Variants in PPP2R2B observed in about 807,000 individuals in gnomAD.
PPP2R2B encodes the protein serine/threonine-protein phosphatase 2A 55 kDa regulatory subunit B beta isoform.
In PPP2R2B, 5 loss-of-function variants were observed where a neutral mutation model predicts 46.0. The ratio of observed to expected loss-of-function variants is 0.11; its 90% CI spans 0.06 to 0.23. PPP2R2B has a LOEUF of 0.23. Ranked by LOEUF, PPP2R2B falls within the 10% of genes least tolerant of loss-of-function variation. PPP2R2B has a pLI of 1.00. For synonymous variants in PPP2R2B, 215 were observed against 206.7 expected, an observed-to-expected ratio of 1.04 and a Z score of -0.34; for missense variants, 367 against 575.0, an observed-to-expected ratio of 0.64 and a Z score of 3.70.
chr5:146,651,612 C>T (rs896756195), intron 5 of PPP2R2B, among the ~76,000 whole-genome samples: 1 of 152,084 alleles, frequency 6.6e-6, no homozygotes, highest in Non-Finnish European at 1.5e-5. Flanking sequence ...AACACTAATG[C>T]CTGAGAGGGA....
rs1443028400 is a variant in PPP2R2B, at chr5:146,832,377, A to ATAT, written c.70+45624_70+45625insATA. 4.1e-4 allele frequency among the ~76,000 whole-genome samples: 43 copies of ATAT among 104,330 alleles called. 1 individual carries two copies. The highest frequency in any genetic ancestry group is 5.0e-3 in the Middle Eastern group (1 of 202). 68.4% of individuals were successfully genotyped at this position (104,330 alleles called of 152,430 possible). On this transcript the variant is annotated intron_variant, in intron 2 of 9. Transcript: ENST00000394411. ...TACACAAGTAAGTGTGCCATTTTTA[A>ATAT]TCTTTTTTTTTTTTTTTTTTTTTTT...
intron 7 of PPP2R2B, among the ~76,000 whole-genome samples, chr5:146,617,777 C>T (rs1469610822): frequency 6.6e-6 from 1 of 151,874 alleles, no homozygotes; most frequent in Non-Finnish European, 1.5e-5. Context: ...TCACTGCAAC[C>T]TCTGCCTCCT....
chr5:146,989,096 A>G (rs965581296), intron 1 of PPP2R2B, among the ~76,000 whole-genome samples: 1 of 151,984 alleles, frequency 6.6e-6, no homozygotes, highest in Non-Finnish European at 1.5e-5. Context: ...GCAATGAGAT[A>G]GGCACAGTAA....
chr5:146,801,911 C>G (rs1374738146), intron 2 of PPP2R2B, among the ~76,000 whole-genome samples: 4 of 152,134 alleles, frequency 2.6e-5, no homozygotes, highest in Non-Finnish European at 5.9e-5. Context: ...TCCAAGTGGC[C>G]CCACTTAACC....
At chr5:146,822,842 C>T (rs943806248) in intron 2 of PPP2R2B, among the ~76,000 whole-genome samples, 1 of 152,094 alleles carries the variant, frequency 6.6e-6, no homozygotes, top group South Asian at 2.1e-4. Context: ...ACTAAAGCAC[C>T]AAGATAAGTC....
rs371419003 is a variant in PPP2R2B, at chr5:146,913,589, C to T, written c.79+142076G>A. Among the ~76,000 whole-genome samples, 49 of 151,498 alleles carry T rather than the reference C, an allele frequency of 3.2e-4. 1 individual carries two copies. In the South Asian group the frequency reaches 8.1e-3, roughly 25 times the overall value. On this transcript the variant is annotated intron_variant, in intron 1 of 8. Coordinates refer to the PPP2R2B transcript ENST00000336640. ...AAACATCACATTAAAACAGCTCACTCGGTCTCTTGATCTCCACTTTGCCTT... is the reference window on the plus strand; with the variant it reads ...AAACATCACATTAAAACAGCTCACTTGGTCTCTTGATCTCCACTTTGCCTT...
At chr5:146,914,313 C>G (rs1027935768) in intron 1 of PPP2R2B, 1 of 152,174 alleles carries the variant, frequency 6.6e-6, no homozygotes, top group South Asian at 2.1e-4. Flanking sequence ...TTCTGCTTGT[C>G]AAGCTTGTGT....
intron 7 of PPP2R2B, among the ~76,000 whole-genome samples, chr5:146,604,645 C>G (rs1772090321): frequency 6.6e-6 from 1 of 152,150 alleles, no homozygotes; most frequent in African/African-American, 2.4e-5. Context: ...CATTTGCTAC[C>G]ACTTCTTGGT....
intron 1 of PPP2R2B, among the ~76,000 whole-genome samples, chr5:146,956,424 C>T (rs376130895): frequency 1.3e-5 from 2 of 152,182 alleles, no homozygotes; most frequent in African/African-American, 4.8e-5. Context: ...AGAAAGCTTG[C>T]TCAAGATTTT....
chr5:147,066,757 A>G (rs1283252325), intron 2 of PPP2R2B, among the ~76,000 whole-genome samples: 1 of 151,606 alleles, frequency 6.6e-6, no homozygotes, highest in South Asian at 2.1e-4. Context: ...TTTTTTTTGT[A>G]TCATCAAGCC....
At chr5:147,075,392 C>A (rs968617497) in intron 2 of PPP2R2B, among the ~76,000 whole-genome samples, 1 of 152,130 alleles carries the variant, frequency 6.6e-6, no homozygotes, top group Non-Finnish European at 1.5e-5. Context: ...TTGTTGACTG[C>A]ATGTCCACAT....
At chr5:146,897,632 GA>G (rs1470660461) in intron 1 of PPP2R2B, among the ~76,000 whole-genome samples, 2 of 151,902 alleles carry the variant, frequency 1.3e-5, no homozygotes, top group African/African-American at 4.8e-5. Flanking sequence ...ACTGTGAGGG[GA>G]AAAAAGAACA....
Position 146,638,422 on chromosome 5 carries a change from C to G in PPP2R2B, c.626-7G>C. The G allele has an allele frequency of 1.3e-6, 2 of 1,584,376 alleles. No individual in the cohort carries two copies. The highest frequency in any genetic ancestry group is 4.5e-5 in the East Asian group (2 of 44,156). On this transcript the variant is annotated splice_region_variant and splice_polypyrimidine_tract_variant and intron_variant, in intron 6 of 9. Coordinates refer to ENST00000394411, the MANE Select transcript of PPP2R2B (RefSeq NM_181675.4). ...GGCTTAATGTCCACAATATCTGGCA[C>G]AGACGAGTCAAGGAAGGAACCAGGA...
chr5:147,024,677 TC>T (rs1755447047), intron 1 of PPP2R2B, among the ~76,000 whole-genome samples: 2 of 152,086 alleles, frequency 1.3e-5, no homozygotes, highest in East Asian at 3.9e-4. Flanking sequence ...AGCTGGAATG[TC>T]CTCCAACATT....
At chr5:147,046,736 C>G (rs1461986927) in intron 1 of PPP2R2B, among the ~76,000 whole-genome samples, 1 of 151,858 alleles carries the variant, frequency 6.6e-6, no homozygotes, top group African/African-American at 2.4e-5. Context: ...CTAATCCTCC[C>G]TCACTATTTT....
Position 146,775,729 on chromosome 5 carries a change from G to A in PPP2R2B, c.71-74587C>T, listed in dbSNP as rs148171230. Reference sequence around the variant, plus strand: ...ATGATCTTACATTTAAAAACCTTAAGAACACAAACACACACACGCAAATCT... The same window carrying A: ...ATGATCTTACATTTAAAAACCTTAAAAACACAAACACACACACGCAAATCT... On this transcript the variant is annotated intron_variant, in intron 2 of 9. Transcript: ENST00000394411. 5.2e-3 allele frequency among the ~76,000 whole-genome samples: 783 copies of A among 151,982 alleles called. 17 individuals carry two copies. Among genetic ancestry groups the A allele is most frequent in the East Asian group, 0.01 (52 of 5,166 alleles).
chr5:147,069,945 C>A (rs1405369426), intron 2 of PPP2R2B, among the ~76,000 whole-genome samples: 1 of 151,852 alleles, frequency 6.6e-6, no homozygotes, highest in Non-Finnish European at 1.5e-5. Context: ...CGCCTGCCAC[C>A]ATACCTGGCT....
At position 146,700,743 on chromosome 5, in the gene PPP2R2B, A is replaced by C. The variant is rs116322281; in HGVS notation, c.168+302T>G. The stretch of plus-strand genomic sequence containing the variant: ...AATGGCTCTATGACAGATCCCATTG[A>C]AAAAGGAGGAGTTACGCTCAACAAG... On this transcript the variant is annotated intron_variant, in intron 3 of 9. Transcript: ENST00000394411. Among the ~76,000 whole-genome samples, 929 of 152,280 alleles carry C rather than the reference A, an allele frequency of 6.1e-3. 12 individuals are homozygous for C. The highest frequency in any genetic ancestry group is 0.021 in the African/African-American group (886 of 41,564).
At chr5:146,905,943 T>A (rs1485993214) in intron 1 of PPP2R2B, among the ~76,000 whole-genome samples, 3 of 152,154 alleles carry the variant, frequency 2.0e-5, no homozygotes, top group African/African-American at 7.2e-5. Flanking sequence ...ATGTAGCTAC[T>A]GAAATTTTAA....
Sources: gnomAD v4.1 joint callset for allele counts (sites outside exome capture counted in the v4.1 genomes callset) on GRCh38, gnomAD v4.1.1 for gene constraint, MANE v1.5 for transcripts, NCBI Gene and HGNC (gene_info 2026-07-23, HGNC 2026-07-21) for gene names.